Variants in CEP68 observed in about 807,000 individuals in gnomAD.
CEP68 encodes centrosomal protein 68, also known as centrosomal protein of 68 kDa.
In CEP68, 26 loss-of-function variants were observed where a neutral mutation model predicts 55.3. That is an observed-to-expected ratio of 0.47 (90% confidence interval 0.34 to 0.65). The LOEUF is 0.65. Among genes scored for constraint, CEP68 ranks in the 30% least tolerant of loss-of-function variants. The pLI is 0.01. For synonymous variants in CEP68, 402 were observed against 383.2 expected, an observed-to-expected ratio of 1.05 and a Z score of -0.57; for missense variants, 957 against 946.7, an observed-to-expected ratio of 1.01 and a Z score of -0.14.
Position 65,071,925 on chromosome 2 carries a change from G to A in CEP68, c.829G>A (p.Val277Met), listed in dbSNP as rs1676485382. The part of the protein sequence containing the change: ...LSFQAEYWAC[V>M]LPDSLPPSPD... ...CTTCCAGGCTGAGTACTGGGCCTGTGTGCTGCCAGATTCCCTGCCTCCATC... is the reference window on the plus strand; with the variant it reads ...CTTCCAGGCTGAGTACTGGGCCTGTATGCTGCCAGATTCCCTGCCTCCATC... Residue 277 changes from valine (V) to methionine (M), a missense_variant, in exon 3 of 7, where the codon GTG becomes ATG. Physicochemically the swap from Val to Met is conservative, Grantham distance 21. Coordinates refer to ENST00000377990, the MANE Select transcript of CEP68 (RefSeq NM_015147.3). 9.3e-6 allele frequency: 15 copies of A among 1,613,222 alleles called. No homozygotes were observed. Among genetic ancestry groups the A allele is most frequent in the Non-Finnish European group, 1.3e-5 (15 of 1,179,952 alleles).
chr2:65,058,497 CTTTT>C (rs34477880), intron 1 of CEP68, among the ~76,000 whole-genome samples: 14,386 of 74,794 alleles, frequency 0.19, 609 homozygotes, highest in South Asian at 0.28. Context: ...GATTTTTTTC[CTTTT>C]TTTTTTTTTT....
chr2:65,076,685 GAATAA>G (rs1355480440), intron 4 of CEP68, among the ~76,000 whole-genome samples: 1 of 152,082 alleles, frequency 6.6e-6, no homozygotes, highest in Non-Finnish European at 1.5e-5. Context: ...CAGTACTAGA[GAATAA>G]AATAATAAGT....
chr2:65,076,088 C>CCTCAAAGTGAGGAACTCAAAGCAACCT (rs1676743670), intron 4 of CEP68, among the ~76,000 whole-genome samples: 3 of 151,478 alleles, frequency 2.0e-5, no homozygotes, highest in African/African-American at 7.3e-5. Flanking sequence ...ACAATGAGTT[C>CCTCAAAGTGAGGAACTCAAAGCAACCT]CTCTCCACAC....
At position 65,078,900 on chromosome 2, in the gene CEP68, C is replaced by T. The variant is rs1676886202; in HGVS notation, c.2104+936C>T. Among the ~76,000 whole-genome samples, 6 of 152,328 alleles carry T rather than the reference C, an allele frequency of 3.9e-5. No individual in the cohort carries two copies. The South Asian group carries it at 1.2e-3, about 32-fold the overall frequency. ...ATTTAGGAAAGTGAAAATCACAGAC[C>T]TCAGGCATGTATCTAAGCATGCTGG... On this transcript the variant is annotated intron_variant, in intron 5 of 6. Transcript: ENST00000377990.
chr2:65,069,429 T>TA lies in CEP68; in HGVS notation c.-15dup, dbSNP rs1218782178. The stretch of plus-strand genomic sequence containing the variant: ...TGAAGTCTTCAGCAGAACCCTGACC[T>TA]AGGTAGGGAGTCTCAATGGCCCTGG... On this transcript the variant is annotated 5_prime_UTR_variant, in exon 2 of 7. Transcript: ENST00000377990. 6.7e-7 allele frequency: 1 copy of TA among 1,494,668 alleles called. No homozygotes were observed. Among genetic ancestry groups the TA allele is most frequent in the East Asian group, 2.3e-5 (1 of 43,746 alleles). The allele number at this position is 1,494,668 out of a possible 1,614,324, so 92.6% of individuals were successfully genotyped here.
chr2:65,080,799 C>T (rs780273119), intron 5 of CEP68, among the ~76,000 whole-genome samples: 1 of 151,960 alleles, frequency 6.6e-6, no homozygotes, highest in Non-Finnish European at 1.5e-5. Flanking sequence ...GCCTGGGCAA[C>T]AAGAGTAAGA....
intron 2 of CEP68, chr2:65,071,230 G>A: frequency 1.8e-6 from 1 of 568,228 alleles, no homozygotes. Flanking sequence ...GAACCTTGGA[G>A]AGGACTGGAG....
At chr2:65,083,431 C>T (rs917195956) in intron 6 of CEP68, among the ~76,000 whole-genome samples, 2 of 152,246 alleles carry the variant, frequency 1.3e-5, no homozygotes, top group African/African-American at 4.8e-5. Context: ...TGTCGTACGT[C>T]GCTCCTACAA....
intron 1 of CEP68, among the ~76,000 whole-genome samples, chr2:65,059,929 G>A (rs1675827219): frequency 6.6e-6 from 1 of 151,882 alleles, no homozygotes; most frequent in South Asian, 2.1e-4. Context: ...TGGGTAAATG[G>A]GTTTTATTTT....
chr2:65,059,154 A>G (rs902942571), intron 1 of CEP68, among the ~76,000 whole-genome samples: 1 of 152,156 alleles, frequency 6.6e-6, no homozygotes, highest in Non-Finnish European at 1.5e-5. Context: ...ACTGTCTCCT[A>G]TCTTTAATGT....
In CEP68 at chr2:65,072,531, G is replaced by C; in HGVS notation, c.1435G>C (p.Asp479His). 6.2e-7 allele frequency: 1 copy of C among 1,614,148 alleles called. No homozygotes were observed. Among genetic ancestry groups the C allele is most frequent in the Non-Finnish European group, 8.5e-7 (1 of 1,180,020 alleles). Residue 479 changes from aspartate to histidine, a missense_variant, in exon 3 of 7, where the codon GAT becomes CAT. Transcript: ENST00000377990. ...RWKSEEEVES[D>H]DEYLALPARL... ...GAAATCAGAAGAGGAAGTGGAAAGT[G>C]ATGACGAGTATCTTGCCCTCCCCGC... is the stretch of plus-strand genomic sequence containing the variant.
intron 3 of CEP68, chr2:65,073,910 C>T: frequency 9.8e-6 from 2 of 204,728 alleles, no homozygotes; most frequent in South Asian, 1.7e-4. Context: ...TGATTTTAGT[C>T]ATTTATTTTA....
At chr2:65,067,829 T>C (rs1432861990) in intron 1 of CEP68, among the ~76,000 whole-genome samples, 1 of 152,320 alleles carries the variant, frequency 6.6e-6, no homozygotes, top group Non-Finnish European at 1.5e-5. Context: ...TAGACGAGCG[T>C]CCGTGCGAAG....
Position 65,069,508 on chromosome 2 carries a change from G to A in CEP68, c.64G>A (p.Gly22Arg), listed in dbSNP as rs763814662. The part of the protein sequence containing the change: ...ASEDTKAQSY[G>R]RGSCRERELD... ...TGAAGACACAAAGGCCCAGTCCTAT[G>A]GGAGAGGGAGCTGCAGGGAGCGGGA... is the stretch of plus-strand genomic sequence containing the variant. The change falls in exon 2 of 7, where the codon GGG (glycine) becomes AGG (arginine). Residue 22 changes from glycine (G) to arginine (R), a missense_variant. Transcript: ENST00000377990. 6 of 1,573,162 alleles carry A rather than the reference G, an allele frequency of 3.8e-6. No individual in the cohort carries two copies. Among genetic ancestry groups the A allele is most frequent in the Non-Finnish European group, 4.3e-6 (5 of 1,158,348 alleles).
At chr2:65,079,251 T>G (rs924263336) in intron 5 of CEP68, among the ~76,000 whole-genome samples, 15 of 152,154 alleles carry the variant, frequency 9.9e-5, no homozygotes, top group African/African-American at 3.6e-4. Context: ...TACAGCAGGA[T>G]TTCTCAGCCT....
In CEP68 at chr2:65,073,171, AG is replaced by A; in HGVS notation, c.1884+193del. 4.2e-6 allele frequency: 3 copies of A among 722,784 alleles called. No individual in the cohort carries two copies. In the Admixed American group the frequency reaches 6.3e-5, roughly 15 times the overall value. 44.8% of individuals were successfully genotyped at this position (722,784 alleles called of 1,614,324 possible). ...GCACTGTTCTCATTTTACTTTTTGG[AG>A]GAAAGAGCAGAGAGAGGTTAGGTAA... On this transcript the variant is annotated intron_variant, in intron 3 of 6. Transcript: ENST00000377990.
In CEP68 at chr2:65,081,474, T is replaced by TA. The variant is rs529038306; in HGVS notation, c.2105-1061dup. ...TTTCCCTTCCTCTACTGACAGATGT[T>TA]ACAGCTGTGGCAGGAAACTAGGGAG... On this transcript the variant is annotated intron_variant, in intron 5 of 6. Transcript: ENST00000377990. Among the ~76,000 whole-genome samples the TA allele has an allele frequency of 2.0e-3, 297 of 152,266 alleles. 5 individuals carry two copies. The highest frequency in any genetic ancestry group is 6.2e-3 in the African/African-American group (258 of 41,556).
intron 2 of CEP68, among the ~76,000 whole-genome samples, 195 bp downstream of exon 2, chr2:65,069,996 C>T (rs550862246): frequency 6.6e-5 from 10 of 152,262 alleles, no homozygotes; most frequent in Admixed American, 1.3e-4. Context: ...GGACTGTCCA[C>T]GGTTATCTCC....
chr2:65,074,434 C>T, intron 4 of CEP68, 30 bp downstream of exon 4: 1 of 1,613,778 alleles, frequency 6.2e-7, no homozygotes, highest in Middle Eastern at 1.7e-4. Context: ...CTGGCTTGTT[C>T]CCTCACAAGA....
Sources: gnomAD v4.1 joint callset for allele counts (sites outside exome capture counted in the v4.1 genomes callset) on GRCh38, gnomAD v4.1.1 for gene constraint, MANE v1.5 for transcripts, NCBI Gene and HGNC (gene_info 2026-07-23, HGNC 2026-07-21) for gene names.